The following COL26A1 variants were observed in gnomAD, a reference collection of about 807,000 sequenced individuals.
The protein encoded by COL26A1 is collagen type XXVI alpha 1 chain.
COL26A1 carries 41 observed loss-of-function variants against 59.3 expected under a neutral mutation model. That is an observed-to-expected ratio of 0.69 (90% CI 0.54 to 0.90). The LOEUF (loss-of-function observed/expected upper bound fraction) is 0.90, where lower values mean the gene tolerates loss of function less well. COL26A1 is among the 40% of genes least tolerant of loss of function. COL26A1 has a pLI of 0.00. For missense variants in COL26A1, 612 were observed against 602.3 expected (o/e 1.02, Z -0.17); for synonymous variants, 266 against 256.0 (o/e 1.04, Z -0.37).
intron 3 of COL26A1, among the ~76,000 whole-genome samples, chr7:101,507,889 T>C (rs552632799): frequency 6.6e-6 from 1 of 152,174 alleles, no homozygotes; most frequent in East Asian, 1.9e-4. Flanking sequence ...CTGGTCCCTG[T>C]GGTTTCTTTG....
chr7:101,468,731 CTG>C (rs936495589), intron 3 of COL26A1, among the ~76,000 whole-genome samples: 11 of 152,312 alleles, frequency 7.2e-5, no homozygotes, highest in African/African-American at 1.7e-4. Context: ...GCTGGGGAAA[CTG>C]TGGGAGGAGG....
intron 3 of COL26A1, among the ~76,000 whole-genome samples, chr7:101,507,698 G>T (rs111248481): frequency 0.021 from 3,225 of 152,144 alleles, 114 homozygotes; most frequent in African/African-American, 0.074. Flanking sequence ...GATTACTGGC[G>T]TGAGCCACCA....
rs190132820 is a variant in COL26A1, at chr7:101,538,201, G to A, written c.448-1692G>A. Among the ~76,000 whole-genome samples, 348 of 152,236 alleles carry A rather than the reference G, an allele frequency of 2.3e-3. 2 individuals carry two copies. Among genetic ancestry groups the A allele is most frequent in the African/African-American group, 2.1e-3 (87 of 41,542 alleles). On this transcript the variant is annotated intron_variant, in intron 4 of 12. Coordinates refer to ENST00000313669, the MANE Select transcript of COL26A1 (RefSeq NM_001278563.3). ...GAGCCCCTAAACTTGGCTGTGGCCC[G>A]TCAGCTTCTTCAGGGGTGCCAGTGG...
At chr7:101,375,697 AAG>A (rs1449027681) in intron 1 of COL26A1, among the ~76,000 whole-genome samples, 22 of 151,442 alleles carry the variant, frequency 1.5e-4, no homozygotes, top group Non-Finnish European at 2.7e-4. Flanking sequence ...AAGAAAGAAA[AAG>A]AAAATTGGCC....
intron 3 of COL26A1, among the ~76,000 whole-genome samples, chr7:101,530,044 A>G (rs2130632579): frequency 6.6e-6 from 1 of 152,186 alleles, no homozygotes; most frequent in South Asian, 2.1e-4. Flanking sequence ...CTTCGGGTGG[A>G]TGAGGGATGA....
chr7:101,442,726 CTGAG>C (rs1225760083), intron 2 of COL26A1, among the ~76,000 whole-genome samples: 1 of 152,076 alleles, frequency 6.6e-6, no homozygotes, highest in African/African-American at 2.4e-5. Context: ...TAGTGTGAGG[CTGAG>C]TGTGTGTTTA....
intron 4 of COL26A1, among the ~76,000 whole-genome samples, chr7:101,539,540 C>T (rs1795562459): frequency 6.6e-6 from 1 of 152,036 alleles, no homozygotes; most frequent in African/African-American, 2.4e-5. Flanking sequence ...GTTGCCCAGG[C>T]TGGTCTCAAA....
chr7:101,463,770 C>CTTCT lies in COL26A1; in HGVS notation c.385+15997_385+16000dup, dbSNP rs1307312490. ...CCTTCCTCCCTTCCCCTTTTCCTTC[C>CTTCT]TTCTTTCTTTCTTTCTTCCTTTCTT... On this transcript the variant is annotated intron_variant, in intron 3 of 12. Coordinates refer to ENST00000313669, the MANE Select transcript of COL26A1 (RefSeq NM_001278563.3). 1.6e-4 allele frequency among the ~76,000 whole-genome samples: 6 copies of CTTCT among 37,116 alleles called. No individual in the cohort carries two copies. The East Asian group carries it at 2.9e-3, about 18-fold the overall frequency. 24.3% of individuals were successfully genotyped at this position (37,116 alleles called of 152,430 possible).
At chr7:101,489,664 C>CTTTCTGTCTTT (rs1563007363) in intron 3 of COL26A1, among the ~76,000 whole-genome samples, 1 of 22,702 alleles carries the variant, frequency 4.4e-5, no homozygotes. Flanking sequence ...TTTCTTTCTT[C>CTTTCTGTCTTT]CTTCCTTCCT....
At chr7:101,552,846 G>A (rs2130684479) in intron 10 of COL26A1, among the ~76,000 whole-genome samples, 1 of 152,358 alleles carries the variant, frequency 6.6e-6, no homozygotes, top group Admixed American at 6.5e-5. Flanking sequence ...GGCAGAGATT[G>A]CAGTGAGCCG....
intron 3 of COL26A1, among the ~76,000 whole-genome samples, chr7:101,496,539 TC>T (rs1262316485): frequency 2.6e-4 from 39 of 152,076 alleles, no homozygotes; most frequent in Non-Finnish European, 4.6e-4. Flanking sequence ...TGTTCTACGC[TC>T]ATCCTCTTCC....
At chr7:101,484,686 G>C (rs1794230896) in intron 3 of COL26A1, among the ~76,000 whole-genome samples, 1 of 151,328 alleles carries the variant, frequency 6.6e-6, no homozygotes, top group South Asian at 2.1e-4. Flanking sequence ...ATTATTTTTA[G>C]ATGGAGTCTT....
chr7:101,528,715 C>T (rs1197485689), intron 3 of COL26A1, among the ~76,000 whole-genome samples: 1 of 152,022 alleles, frequency 6.6e-6, no homozygotes, highest in Non-Finnish European at 1.5e-5. Flanking sequence ...GCCTGGCTAA[C>T]TTTTGTATCT....
chr7:101,407,189 T>G (rs1792147623), intron 1 of COL26A1, among the ~76,000 whole-genome samples: 1 of 152,172 alleles, frequency 6.6e-6, no homozygotes, highest in African/African-American at 2.4e-5. Context: ...GAGTGATGCC[T>G]GTCTCCCAGC....
chr7:101,367,602 G>A (rs1433494036), intron 1 of COL26A1, among the ~76,000 whole-genome samples: 1 of 151,082 alleles, frequency 6.6e-6, no homozygotes, highest in Admixed American at 6.6e-5. Context: ...GAGGCGGAGG[G>A]TACAATGAGC....
At chr7:101,434,124 T>C (rs1398081286) in intron 2 of COL26A1, among the ~76,000 whole-genome samples, 5 of 137,990 alleles carry the variant, frequency 3.6e-5, no homozygotes, top group Admixed American at 7.4e-5. Context: ...TTTCTTTCTT[T>C]CTTTCTTCTT....
intron 1 of COL26A1, among the ~76,000 whole-genome samples, chr7:101,407,732 G>T (rs1792160090): frequency 6.6e-6 from 1 of 151,678 alleles, no homozygotes; most frequent in African/African-American, 2.4e-5. Flanking sequence ...ATACCCCCTA[G>T]CACCATAACG....
At chr7:101,496,102 G>A (rs1794579904) in intron 3 of COL26A1, among the ~76,000 whole-genome samples, 1 of 152,014 alleles carries the variant, frequency 6.6e-6, no homozygotes, top group Admixed American at 6.6e-5. Context: ...TAAAAAAGGC[G>A]GCTTAGCATG....
intron 2 of COL26A1, among the ~76,000 whole-genome samples, chr7:101,426,842 C>T (rs1355219139): frequency 1.3e-5 from 2 of 152,196 alleles, no homozygotes; most frequent in African/African-American, 4.8e-5. Context: ...AGGCAGCTCC[C>T]AGCGGGCAGT....
Sources: allele counts gnomAD v4.1 joint callset (sites outside exome capture counted in the v4.1 genomes callset), GRCh38; gene constraint gnomAD v4.1.1; transcripts MANE v1.5; gene names NCBI Gene and HGNC (gene_info 2026-07-23, HGNC 2026-07-21).